CASR: variants seen among roughly 807,000 people sequenced by gnomAD.
CASR encodes the protein extracellular calcium-sensing receptor.
Under a neutral mutation model 69.1 loss-of-function variants are expected in CASR, and 23 were observed. That is an observed-to-expected ratio of 0.33 (90% CI 0.24 to 0.47). CASR has a LOEUF of 0.47. Ranked by LOEUF, CASR falls within the 20% of genes least tolerant of loss-of-function variation. The pLI is 1.00. For synonymous variants in CASR, 541 were observed against 544.7 expected (o/e 0.99, Z 0.10); for missense variants, 924 against 1,356.1 (o/e 0.68, Z 5.00).
chr3:122,245,578 T>C (rs1576845457), intron 1 of CASR: 3 of 152,166 alleles, frequency 2.0e-5, no homozygotes, highest in Admixed American at 2.0e-4. Flanking sequence ...GGCACATGTA[T>C]ACATGTGTAA....
At chr3:122,192,001 C>CA (rs1453551681) in intron 1 of CASR, among the ~76,000 whole-genome samples, 10 of 152,130 alleles carry the variant, frequency 6.6e-5, no homozygotes, top group Admixed American at 5.9e-4. Context: ...AGCCTTTGAC[C>CA]AAAGAATTTC....
At position 122,254,162 on chromosome 3, in the gene CASR, T is replaced by G. The variant is rs767054957; in HGVS notation, c.-28T>G. 6.2e-7 allele frequency: 1 copy of G among 1,611,352 alleles called. No individual in the cohort carries two copies. Among genetic ancestry groups the G allele is most frequent in the Non-Finnish European group, 8.5e-7 (1 of 1,179,214 alleles). ...AGCCTCCAAACTCCTAGCTGTCTCA[T>G]CCCTTGCCCTGGAGAGACGGCAGAA... On this transcript the variant is annotated 5_prime_UTR_variant, in exon 2 of 7. Coordinates refer to ENST00000639785, the MANE Select transcript of CASR (RefSeq NM_000388.4).
At chr3:122,276,292 A>C (rs1434058963) in intron 5 of CASR, among the ~76,000 whole-genome samples, 1 of 152,112 alleles carries the variant, frequency 6.6e-6, no homozygotes, top group Non-Finnish European at 1.5e-5. Context: ...CACAAATATG[A>C]CTCCCTAGCT....
At chr3:122,193,540 G>A (rs2073859231) in intron 1 of CASR, among the ~76,000 whole-genome samples, 1 of 152,086 alleles carries the variant, frequency 6.6e-6, no homozygotes. Flanking sequence ...TCTATGGGGT[G>A]CTTTTATTCC....
Position 122,285,042 on chromosome 3 carries a change from A to G in CASR, c.3088A>G (p.Thr1030Ala), listed in dbSNP as rs2074953253. ...ETDLDLTVQE[T>A]GLQGPVGGDQ... is the part of the protein sequence containing the mutation. Reference sequence around the variant, plus strand: ...GGACTTAGATCTGACCGTCCAGGAAACAGGTCTGCAAGGACCTGTGGGTGG... The same window carrying G: ...GGACTTAGATCTGACCGTCCAGGAAGCAGGTCTGCAAGGACCTGTGGGTGG... Residue 1030 changes from threonine (T) to alanine (A), a missense_variant, in exon 7 of 7, where the codon ACA becomes GCA. This residue lies in a region of CASR where 201 missense variants were observed against 228.8 expected (regional missense o/e 0.88). Coordinates refer to ENST00000639785, the MANE Select transcript of CASR (RefSeq NM_000388.4). 6.2e-7 allele frequency: 1 copy of G among 1,614,206 alleles called. No individual in the cohort carries two copies. The highest frequency in any genetic ancestry group is 8.5e-7 in the Non-Finnish European group (1 of 1,180,028).
intron 4 of CASR, among the ~76,000 whole-genome samples, chr3:122,273,697 G>T (rs1210421808): frequency 2.0e-5 from 3 of 152,162 alleles, no homozygotes; most frequent in Non-Finnish European, 4.4e-5. Context: ...AGTGGGAGGG[G>T]CACGATTACA....
At chr3:122,231,449 T>C (rs35589165) in intron 1 of CASR, among the ~76,000 whole-genome samples, 75 of 152,376 alleles carry the variant, frequency 4.9e-4, no homozygotes, top group African/African-American at 1.7e-3. Flanking sequence ...TGTGGTAGAC[T>C]TTATGCTAAA....
Position 122,284,408 on chromosome 3 carries a change from G to T in CASR, c.2454G>T (p.Trp818Cys). 2 of 1,613,998 alleles carry T rather than the reference G, an allele frequency of 1.2e-6. No individual in the cohort carries two copies. The highest frequency in any genetic ancestry group is 1.7e-6 in the Non-Finnish European group (2 of 1,180,038). Residue 818 changes from tryptophan (W) to cysteine (C), a missense_variant, in exon 7 of 7, where the codon TGG (tryptophan) becomes TGT (cysteine). This residue lies in a region of CASR where 184 missense variants were observed against 278.8 expected (regional missense o/e 0.66). Transcript: ENST00000639785. ...TFSMLIFFIVWISFIPAYAST... is the reference protein window; with the variant it reads ...TFSMLIFFIVCISFIPAYAST... ...GCATGCTCATCTTCTTCATCGTCTGGATCTCCTTCATTCCAGCCTATGCCA... is the reference window on the plus strand; with the variant it reads ...GCATGCTCATCTTCTTCATCGTCTGTATCTCCTTCATTCCAGCCTATGCCA...
At chr3:122,200,617 A>G (rs1379873634) in intron 1 of CASR, among the ~76,000 whole-genome samples, 3 of 152,224 alleles carry the variant, frequency 2.0e-5, no homozygotes, top group African/African-American at 7.2e-5. Flanking sequence ...TAAGTGTGCC[A>G]AAATTTATTT....
At chr3:122,272,091 GCACACACACACACA>G (rs35249463) in intron 4 of CASR, among the ~76,000 whole-genome samples, 13 of 148,816 alleles carry the variant, frequency 8.7e-5, no homozygotes, top group Non-Finnish European at 1.8e-4. Context: ...TCCTAGGAAT[GCACACACACACACA>G]CACACACACA....
At chr3:122,223,904 C>T (rs1372604659) in intron 1 of CASR, among the ~76,000 whole-genome samples, 1 of 152,114 alleles carries the variant, frequency 6.6e-6, no homozygotes, top group Non-Finnish European at 1.5e-5. Context: ...TCAATAAATG[C>T]AATTTCCCAC....
Position 122,261,887 on chromosome 3 carries a change from C to T in CASR, c.852C>T (p.Val284=), listed in dbSNP as rs1489604903. Residue 284 remains valine (V), a synonymous_variant, in exon 4 of 7, where the codon GTC becomes GTT. Transcript: ENST00000639785. ...PDLEPLIKEI[V]RRNITGKIWL... The stretch of plus-strand genomic sequence containing the variant: ...TTGAGCCCCTCATCAAGGAGATTGT[C>T]CGGCGCAATATCACGGGCAAGATCT... The T allele has an allele frequency of 2.5e-6, 4 of 1,614,244 alleles. No individual in the cohort carries two copies. In the Admixed American group the frequency reaches 6.7e-5, roughly 27 times the overall value.
chr3:122,202,894 A>T (rs1037302377), intron 1 of CASR, among the ~76,000 whole-genome samples: 5 of 152,188 alleles, frequency 3.3e-5, no homozygotes, highest in African/African-American at 7.2e-5. Flanking sequence ...TTGCCTCAAT[A>T]CTGTTATAGA....
intron 1 of CASR, among the ~76,000 whole-genome samples, chr3:122,203,921 G>A (rs1188361646): frequency 6.6e-6 from 1 of 151,972 alleles, no homozygotes. Flanking sequence ...TCTCCATAAA[G>A]TTCTTATACA....
intron 1 of CASR, among the ~76,000 whole-genome samples, chr3:122,231,703 G>A (rs1576837072): frequency 6.6e-6 from 1 of 150,950 alleles, no homozygotes; most frequent in Admixed American, 6.6e-5. Context: ...TCTGGAAAGA[G>A]CAGCCACAAT....
intron 1 of CASR, among the ~76,000 whole-genome samples, chr3:122,217,296 C>G (rs2074126598): frequency 6.6e-6 from 1 of 152,054 alleles, no homozygotes; most frequent in South Asian, 2.1e-4. Flanking sequence ...GAGACAGGGT[C>G]TTTCTTTGTT....
chr3:122,269,693 CT>C (rs2074735894), intron 4 of CASR, among the ~76,000 whole-genome samples: 1 of 152,084 alleles, frequency 6.6e-6, no homozygotes, highest in African/African-American at 2.4e-5. Context: ...GTTTTGGTGT[CT>C]GGGTAATGAT....
intron 1 of CASR, among the ~76,000 whole-genome samples, chr3:122,228,949 A>G (rs1010271291): frequency 6.6e-6 from 1 of 152,108 alleles, no homozygotes; most frequent in Non-Finnish European, 1.5e-5. Context: ...CATCCCTCAG[A>G]TATTCACTGA....
In CASR at chr3:122,254,020, T is replaced by A; in HGVS notation, c.-170T>A. ...GGACCACCCACATTACAAGTCTGGA[T>A]TGAGGAAGGCAGAAATGGAGATTCA... On this transcript the variant is annotated 5_prime_UTR_variant, in exon 2 of 7. It adds an upstream start codon to the 5' untranslated region. Transcript: ENST00000639785. 2 of 729,982 alleles carry A rather than the reference T, an allele frequency of 2.7e-6. No individual in the cohort carries two copies. Among genetic ancestry groups the A allele is most frequent in the South Asian group, 3.0e-5 (2 of 66,522 alleles). The allele number at this position is 729,982 out of a possible 1,614,324, so 45.2% of individuals were successfully genotyped here. A position where few individuals can be genotyped will look rare whatever the true frequency, so the allele number is the denominator to read the frequency against.
Sources: gnomAD v4.1 joint callset for allele counts (sites outside exome capture counted in the v4.1 genomes callset) on GRCh38, gnomAD v4.1.1 for gene constraint, gnomAD v4.1.1 regional missense constraint, MANE v1.5 for transcripts, NCBI Gene and HGNC (gene_info 2026-07-23, HGNC 2026-07-21) for gene names.